Variants in GMEB1 observed in about 807,000 individuals in gnomAD.
The protein encoded by GMEB1 is glucocorticoid modulatory element binding protein 1.
In GMEB1, 6 loss-of-function variants were observed where a neutral mutation model predicts 52.4. That is an observed-to-expected ratio of 0.11 (90% CI 0.06 to 0.23). GMEB1 has a LOEUF of 0.23. GMEB1 is among the 10% of genes least tolerant of loss of function. GMEB1 has a pLI of 1.00. For missense variants in GMEB1, 486 were observed against 685.6 expected, an observed-to-expected ratio of 0.71 and a Z score of 3.25; for synonymous variants, 255 against 244.9, an observed-to-expected ratio of 1.04 and a Z score of -0.38.
At chr1:28,669,793 A>G (rs1028276130) in intron 1 of GMEB1, among the ~76,000 whole-genome samples, 2 of 152,112 alleles carry the variant, frequency 1.3e-5, no homozygotes, top group Non-Finnish European at 2.9e-5. Flanking sequence ...TTGAGGAAAG[A>G]TGCTTAAGGT....
Position 28,718,162 on chromosome 1 carries a change from G to T in GMEB1, c.*3389G>T, listed in dbSNP as rs918652229. On this transcript the variant is annotated 3_prime_UTR_variant, in exon 10 of 10. Coordinates refer to ENST00000373816, the MANE Select transcript of GMEB1 (RefSeq NM_001319674.2). ...GAACCTTAGGCTGACTTGGTAGTAG[G>T]CATTTGTCTTTCTGTTCATGCATTG... The T allele has an allele frequency of 6.6e-6, 1 of 152,180 alleles. No individual in the cohort carries two copies. Among genetic ancestry groups the T allele is most frequent in the African/African-American group, 2.4e-5 (1 of 41,444 alleles). The allele number at this position is 152,180 out of a possible 1,614,324, so 9.4% of individuals were successfully genotyped here.
chr1:28,672,738 T>G (rs1363790349), intron 1 of GMEB1, among the ~76,000 whole-genome samples: 1 of 141,006 alleles, frequency 7.1e-6, no homozygotes, highest in Non-Finnish European at 1.5e-5. Flanking sequence ...TATTGTTCCT[T>G]TTTTTTTTTT....
At chr1:28,694,613 T>C (rs1478682306) in intron 5 of GMEB1, among the ~76,000 whole-genome samples, 1 of 151,876 alleles carries the variant, frequency 6.6e-6, no homozygotes, top group Non-Finnish European at 1.5e-5. Flanking sequence ...CCAAAGTAGG[T>C]TGGACTACAG....
chr1:28,686,830 C>T (rs779717758), intron 2 of GMEB1, among the ~76,000 whole-genome samples: 39 of 151,890 alleles, frequency 2.6e-4, no homozygotes, highest in Non-Finnish European at 5.1e-4. Flanking sequence ...ACATGCTGGG[C>T]ATACAAAATT....
rs1557504332 is a variant in GMEB1 at position 28,687,380 on chromosome 1, ACACACAC to A, written c.129-2723_129-2717del. Reference sequence around the variant, plus strand: ...CACACACACACACACACACACACACACACACACAAAAAAAGACAGTGGAGAATAATGT... The same window carrying A: ...CACACACACACACACACACACACACAAAAAAAAGACAGTGGAGAATAATGT... On this transcript the variant is annotated intron_variant, in intron 2 of 9. Transcript: ENST00000373816. Among the ~76,000 whole-genome samples, 25 of 125,118 alleles carry A rather than the reference ACACACAC, an allele frequency of 2.0e-4. 5 individuals are homozygous for A. The highest frequency in any genetic ancestry group is 5.2e-4 in the South Asian group (2 of 3,858). 82.1% of individuals were successfully genotyped at this position (125,118 alleles called of 152,430 possible).
At chr1:28,671,439 G>A (rs757895844) in intron 1 of GMEB1, among the ~76,000 whole-genome samples, 8 of 152,106 alleles carry the variant, frequency 5.3e-5, no homozygotes, top group Non-Finnish European at 1.0e-4. Flanking sequence ...TTTCTGGCGG[G>A]CGCTGTGATT....
chr1:28,690,639 GC>G (rs2124510119), intron 3 of GMEB1, among the ~76,000 whole-genome samples: 1 of 152,150 alleles, frequency 6.6e-6, no homozygotes, highest in African/African-American at 2.4e-5. Context: ...CCTTTCTGAA[GC>G]CCATATACTT....
At chr1:28,680,077 G>A (rs958713579) in intron 1 of GMEB1, among the ~76,000 whole-genome samples, 19 of 151,936 alleles carry the variant, frequency 1.3e-4, no homozygotes, top group African/African-American at 4.1e-4. Context: ...CAAAGTGCAG[G>A]GATTACTGGC....
At chr1:28,689,906 C>T in intron 2 of GMEB1, 198 bp from the exon 3 acceptor site, 1 of 471,742 alleles carries the variant, frequency 2.1e-6, no homozygotes, top group Non-Finnish European at 3.7e-6. Flanking sequence ...GTTGTGGATT[C>T]ATTTTCATGG....
chr1:28,687,733 TAGAGAC>T (rs1465473473), intron 2 of GMEB1, among the ~76,000 whole-genome samples: 1 of 151,880 alleles, frequency 6.6e-6, no homozygotes, highest in Non-Finnish European at 1.5e-5. Flanking sequence ...GCAGTGGAGA[TAGAGAC>T]AGGGAGGGAG....
intron 1 of GMEB1, among the ~76,000 whole-genome samples, chr1:28,673,938 G>C (rs900200426): frequency 1.3e-5 from 2 of 151,906 alleles, no homozygotes; most frequent in African/African-American, 4.8e-5. Flanking sequence ...ACGAGGTCAG[G>C]AGTTCAAGAC....
Position 28,714,728 on chromosome 1 carries a change from C to A in GMEB1, c.1647C>A (p.His549Gln), listed in dbSNP as rs978400215. ...EEKVVAEMEE[H>Q]QHQVHNVEIV... The stretch of plus-strand genomic sequence containing the variant: ...AAGTTGTGGCTGAGATGGAAGAACA[C>A]CAGCATCAAGTTCACAATGTGGAGA... Residue 549 changes from histidine (H) to glutamine (Q), a missense_variant, in exon 10 of 10, where the codon CAC becomes CAA. Physicochemically the swap from His to Gln is conservative, Grantham distance 24. Coordinates refer to ENST00000373816, the MANE Select transcript of GMEB1 (RefSeq NM_001319674.2). 6.2e-7 allele frequency: 1 copy of A among 1,613,776 alleles called. No homozygotes were observed. Among genetic ancestry groups the A allele is most frequent in the Non-Finnish European group, 8.5e-7 (1 of 1,179,846 alleles).
chr1:28,693,995 T>C (rs1283736685), intron 5 of GMEB1, among the ~76,000 whole-genome samples: 2 of 151,966 alleles, frequency 1.3e-5, no homozygotes, highest in Admixed American at 6.6e-5. Flanking sequence ...TATATGAGTA[T>C]ATACTATGGA....
Position 28,691,604 on chromosome 1 carries a change from A to G in GMEB1, c.231A>G (p.Ala77=), listed in dbSNP as rs762177732. 2 of 1,562,600 alleles carry G rather than the reference A, an allele frequency of 1.3e-6. No homozygotes were observed. Among genetic ancestry groups the G allele is most frequent in the South Asian group, 2.4e-5 (2 of 84,916 alleles). ...EEGIDTGTIE[A]NEDMEIAYPI... ...TTTCAGATACAGGCACTATAGAAGC[A>G]AATGAGGATATGGAAATTGCTTACC... The change falls in exon 4 of 10, where the codon GCA becomes GCG. Residue 77 remains alanine, a synonymous_variant. Transcript: ENST00000373816.
At chr1:28,684,562 C>CAAAA (rs35899215) in intron 2 of GMEB1, among the ~76,000 whole-genome samples, 3 of 103,012 alleles carry the variant, frequency 2.9e-5, no homozygotes, top group South Asian at 3.1e-4. Flanking sequence ...GACTCCATCT[C>CAAAA]AAAAAAAAAA....
intron 9 of GMEB1, 31 bp downstream of exon 9, chr1:28,710,673 A>T: frequency 7.0e-7 from 1 of 1,436,446 alleles, no homozygotes; most frequent in Non-Finnish European, 9.2e-7. Context: ...TTCTTCGGTG[A>T]TATCATGCTA....
chr1:28,710,361 T>C (rs2124586052), intron 8 of GMEB1, among the ~76,000 whole-genome samples, 159 bp from the exon 9 acceptor site: 1 of 152,314 alleles, frequency 6.6e-6, no homozygotes, highest in East Asian at 1.9e-4. Flanking sequence ...ATTAAACCAG[T>C]AGTCATTATA....
chr1:28,675,679 C>CAAAAAAA (rs11316891), intron 1 of GMEB1, among the ~76,000 whole-genome samples: 1 of 100,166 alleles, frequency 1.0e-5, no homozygotes, highest in Non-Finnish European at 2.0e-5. Flanking sequence ...GACTCTGTCT[C>CAAAAAAA]AAAAAAAAAA....
chr1:28,675,956 A>G (rs1669135687), intron 1 of GMEB1, among the ~76,000 whole-genome samples: 1 of 152,126 alleles, frequency 6.6e-6, no homozygotes, highest in African/African-American at 2.4e-5. Flanking sequence ...TTGCTTCTCT[A>G]AAGAAGGTCA....
Sources: allele counts gnomAD v4.1 joint callset (sites outside exome capture counted in the v4.1 genomes callset), GRCh38; gene constraint gnomAD v4.1.1; transcripts MANE v1.5; gene names NCBI Gene and HGNC (gene_info 2026-07-23, HGNC 2026-07-21).